The following BLOC1S5 variants were observed in gnomAD, a reference collection of about 807,000 sequenced individuals.
BLOC1S5 encodes the protein biogenesis of lysosome-related organelles complex 1 subunit 5.
In BLOC1S5, 27 loss-of-function variants were observed where a neutral mutation model predicts 24.3. That is an observed-to-expected ratio of 1.11 (90% CI 0.82 to 1.53). The LOEUF (loss-of-function observed/expected upper bound fraction) is 1.53. Ranked by LOEUF, BLOC1S5 falls within the 40% of genes most tolerant of loss-of-function variation. BLOC1S5 has a pLI of 0.00. For synonymous variants in BLOC1S5, 84 were observed against 74.5 expected, an observed-to-expected ratio of 1.13 and a Z score of -0.66; for missense variants, 239 against 229.4, an observed-to-expected ratio of 1.04 and a Z score of -0.27.
At chr6:8,023,823 C>CATGTGTATATGTGCACATGTGTAT (rs1763011329) in intron 4 of BLOC1S5, among the ~76,000 whole-genome samples, 1 of 140,612 alleles carries the variant, frequency 7.1e-6, no homozygotes, top group Non-Finnish European at 1.5e-5. Context: ...TGTGCGTGCA[C>CATGTGTATATGTGCACATGTGTAT]ATGTGTATAT....
chr6:8,021,547 C>T (rs977665095), intron 4 of BLOC1S5, among the ~76,000 whole-genome samples: 4 of 151,836 alleles, frequency 2.6e-5, no homozygotes, highest in African/African-American at 9.7e-5. Flanking sequence ...TGCAGTGAGC[C>T]GAGATCGCAC....
intron 3 of BLOC1S5, among the ~76,000 whole-genome samples, chr6:8,034,622 A>C (rs1243076691): frequency 6.6e-6 from 1 of 152,108 alleles, no homozygotes; most frequent in Non-Finnish European, 1.5e-5. Context: ...CTTAAAGTAT[A>C]ATAATAATAA....
At chr6:8,027,466 A>G in intron 3 of BLOC1S5, 1 of 456,382 alleles carries the variant, frequency 2.2e-6, no homozygotes, top group South Asian at 1.6e-5. Context: ...ATGAGAACAC[A>G]GTACATACTA....
intron 3 of BLOC1S5, among the ~76,000 whole-genome samples, chr6:8,039,195 A>C (rs1055893443): frequency 6.6e-6 from 1 of 152,234 alleles, no homozygotes; most frequent in African/African-American, 2.4e-5. Context: ...GCACAGAAAG[A>C]CAAATATTGC....
intron 3 of BLOC1S5, among the ~76,000 whole-genome samples, chr6:8,030,864 T>TA (rs1763271641): frequency 2.2e-5 from 1 of 46,346 alleles, no homozygotes; most frequent in Non-Finnish European, 5.0e-5. Flanking sequence ...AGACCAACAG[T>TA]CAAAAAAAAA....
At chr6:8,064,390 G>C (rs1458053952), upstream of BLOC1S5, 13 of 1,600,306 alleles carry the variant, frequency 8.1e-6, no homozygotes, top group Non-Finnish European at 1.1e-5. Flanking sequence ...GACCAGTTCC[G>C]CCCACCCGCG....
chr6:8,020,692 T>G (rs73363883), intron 4 of BLOC1S5, among the ~76,000 whole-genome samples: 1 of 152,332 alleles, frequency 6.6e-6, no homozygotes, highest in African/African-American at 2.4e-5. Flanking sequence ...TAGCCATTTT[T>G]ACACTGGCAT....
intron 3 of BLOC1S5, among the ~76,000 whole-genome samples, chr6:8,029,951 C>T (rs1001719424): frequency 4.6e-5 from 7 of 152,148 alleles, no homozygotes; most frequent in South Asian, 2.1e-4. Flanking sequence ...AATGCCAAGA[C>T]GCAGATGTAC....
intron 2 of BLOC1S5, among the ~76,000 whole-genome samples, chr6:8,049,152 C>T (rs567365037): frequency 1.3e-5 from 2 of 151,688 alleles, no homozygotes; most frequent in Non-Finnish European, 2.9e-5. Context: ...GGGCAGATCA[C>T]ATGAGGTCAG....
intron 4 of BLOC1S5, among the ~76,000 whole-genome samples, chr6:8,020,320 G>C (rs1353568264): frequency 6.6e-6 from 1 of 152,258 alleles, no homozygotes; most frequent in Admixed American, 6.5e-5. Flanking sequence ...TAGGGGCAGA[G>C]GAGCAGCAGG....
intron 4 of BLOC1S5, 126 bp downstream of exon 4, chr6:8,026,241 A>T: frequency 2.9e-6 from 2 of 698,518 alleles, no homozygotes; most frequent in Non-Finnish European, 4.8e-6. Context: ...ATCTTCAATG[A>T]ATCAGCCATT....
At chr6:8,061,723 T>C (rs568260525) in intron 2 of BLOC1S5, among the ~76,000 whole-genome samples, 1 of 152,358 alleles carries the variant, frequency 6.6e-6, no homozygotes, top group Admixed American at 6.5e-5. Context: ...ACAAAATTGT[T>C]TGTGCAACAC....
intron 2 of BLOC1S5, among the ~76,000 whole-genome samples, chr6:8,048,430 T>C (rs1483067968): frequency 6.6e-6 from 1 of 152,204 alleles, no homozygotes; most frequent in Non-Finnish European, 1.5e-5. Context: ...CTAGGAAATA[T>C]GTATTTTTTT....
chr6:8,047,116 C>T (rs1222250017), intron 2 of BLOC1S5, among the ~76,000 whole-genome samples: 1 of 147,376 alleles, frequency 6.8e-6, no homozygotes, highest in Non-Finnish European at 1.5e-5. Flanking sequence ...AAACAAGAGA[C>T]TTGCCTTAAA....
intron 2 of BLOC1S5, among the ~76,000 whole-genome samples, chr6:8,046,463 C>T (rs928501666): frequency 6.6e-6 from 1 of 152,064 alleles, no homozygotes; most frequent in Admixed American, 6.5e-5. Context: ...GAGTGGTAAA[C>T]TTGACTATGA....
At chr6:8,045,689 G>A (rs1434219740) in intron 2 of BLOC1S5, among the ~76,000 whole-genome samples, 1 of 152,214 alleles carries the variant, frequency 6.6e-6, no homozygotes. Flanking sequence ...AGTCAAAGGG[G>A]ATCATTTTGG....
rs558878790 is a variant in BLOC1S5, at chr6:8,053,775, T to G, written c.195+8759A>C. Among the ~76,000 whole-genome samples the G allele has an allele frequency of 1.1e-3, 168 of 152,300 alleles. 1 individual carries two copies. Among genetic ancestry groups the G allele is most frequent in the African/African-American group, 3.8e-3 (159 of 41,590 alleles). On this transcript the variant is annotated intron_variant, in intron 2 of 4. Transcript: ENST00000397457. ...ATATAGACTTTTCTTATTTCATGAG[T>G]CAAATTCACACACACATACATAATA...
At chr6:8,058,659 C>T (rs1196683815) in intron 2 of BLOC1S5, among the ~76,000 whole-genome samples, 3 of 152,084 alleles carry the variant, frequency 2.0e-5, no homozygotes, top group Non-Finnish European at 2.9e-5. Context: ...CACTGCACTC[C>T]AGGTTGGGTT....
intron 1 of BLOC1S5, among the ~76,000 whole-genome samples, chr6:8,063,845 G>A (rs9379161): frequency 0.084 from 12,825 of 152,192 alleles, 734 homozygotes; most frequent in East Asian, 0.19. Flanking sequence ...CTTACTCCTC[G>A]CACGACCAGG....
Sources: gnomAD v4.1 joint callset for allele counts (sites outside exome capture counted in the v4.1 genomes callset) on GRCh38, gnomAD v4.1.1 for gene constraint, MANE v1.5 for transcripts, NCBI Gene and HGNC (gene_info 2026-07-23, HGNC 2026-07-21) for gene names.